The following SHANK2 variants were observed in gnomAD, a reference collection of about 807,000 sequenced individuals.
SHANK2 encodes the protein SH3 and multiple ankyrin repeat domains protein 2.
SHANK2 carries 43 observed loss-of-function variants against 133.7 expected under a neutral mutation model. The observed-to-expected ratio is 0.32, with a 90% CI of 0.25 to 0.41. The LOEUF (loss-of-function observed/expected upper bound fraction) is 0.41. Among genes scored for constraint, SHANK2 ranks in the 10% least tolerant of loss-of-function variants. SHANK2 has a pLI of 1.00. For synonymous variants in SHANK2, 1,017 were observed against 952.8 expected (o/e 1.07, Z -1.24); for missense variants, 1,994 against 2,235.8 (o/e 0.89, Z 2.18).
At chr11:71,237,009 A>G (rs1954833429) in intron 1 of SHANK2, among the ~76,000 whole-genome samples, 1 of 152,344 alleles carries the variant, frequency 6.6e-6, no homozygotes, top group Admixed American at 6.5e-5. Flanking sequence ...AATGGCTCCA[A>G]TCAGTCATAC....
chr11:70,482,458 C>T (rs1327059220), intron 25 of SHANK2, among the ~76,000 whole-genome samples: 5 of 152,230 alleles, frequency 3.3e-5, no homozygotes, highest in African/African-American at 1.2e-4. Flanking sequence ...CAAGGCAGTC[C>T]CTGGCTCCCA....
rs782320137 is a variant in SHANK2, at chr11:70,573,149, C to T, written c.2062-70218G>A. ...CCAACCCAAAAAATAGCTTCAGTCG[C>T]GTGACTCCATTTTATGTGATGTTCT... On this transcript the variant is annotated intron_variant, in intron 17 of 25. Coordinates refer to ENST00000601538, the MANE Select transcript of SHANK2 (RefSeq NM_012309.5). 9.2e-5 allele frequency among the ~76,000 whole-genome samples: 14 copies of T among 151,770 alleles called. No individual in the cohort carries two copies. In the East Asian group the frequency reaches 2.5e-3, roughly 27 times the overall value.
intron 2 of SHANK2, among the ~76,000 whole-genome samples, chr11:71,199,861 A>G (rs1402796488): frequency 1.3e-5 from 2 of 152,138 alleles, no homozygotes; most frequent in African/African-American, 4.8e-5. Flanking sequence ...ATTCAAGGAG[A>G]CAGCAAAATG....
intron 16 of SHANK2, 88 bp downstream of exon 16, chr11:70,661,501 ACACACAC>A: frequency 1.3e-3 from 2 of 1,528 alleles, no homozygotes; most frequent in South Asian, 4.6e-3. Flanking sequence ...GCAGGCGTAT[ACACACAC>A]ACACACACAC....
At chr11:71,117,667 G>A (rs1444976969) in intron 4 of SHANK2, among the ~76,000 whole-genome samples, 3 of 152,152 alleles carry the variant, frequency 2.0e-5, no homozygotes, top group African/African-American at 7.2e-5. Context: ...GGGCCTGGGG[G>A]CTTCTGAGCC....
At chr11:71,208,232 T>C (rs1343622177) in intron 2 of SHANK2, among the ~76,000 whole-genome samples, 1 of 151,848 alleles carries the variant, frequency 6.6e-6, no homozygotes, top group Non-Finnish European at 1.5e-5. Flanking sequence ...GAAGTGGGCA[T>C]TGCTGGTTGA....
At chr11:70,928,216 G>A (rs922905428) in intron 10 of SHANK2, among the ~76,000 whole-genome samples, 11 of 152,138 alleles carry the variant, frequency 7.2e-5, no homozygotes, top group Admixed American at 5.2e-4. Flanking sequence ...ACCTGTTCCC[G>A]TCGATGGAGA....
chr11:70,742,767 GC>G (rs1555035033), intron 14 of SHANK2, among the ~76,000 whole-genome samples: 2 of 152,224 alleles, frequency 1.3e-5, no homozygotes, highest in Non-Finnish European at 2.9e-5. Flanking sequence ...GAGATAAGAG[GC>G]AAGGGGGCGG....
At chr11:70,876,025 G>A (rs1195469148) in intron 11 of SHANK2, among the ~76,000 whole-genome samples, 7 of 151,612 alleles carry the variant, frequency 4.6e-5, no homozygotes, top group Admixed American at 1.3e-4. Flanking sequence ...GTGTGGTGGT[G>A]CATGCCTGTA....
At chr11:70,502,742 C>CCG in intron 18 of SHANK2, 54 bp downstream of exon 18, 1 of 434,406 alleles carries the variant, frequency 2.3e-6, no homozygotes, top group Non-Finnish European at 3.2e-6. Flanking sequence ...CCCGCCCCCA[C>CCG]CCCCCCCCCC....
At chr11:70,692,164 C>T (rs1254938729) in intron 15 of SHANK2, among the ~76,000 whole-genome samples, 4 of 152,016 alleles carry the variant, frequency 2.6e-5, no homozygotes, top group South Asian at 2.1e-4. Context: ...AAAATAATGG[C>T]GGAGGAAGAA....
intron 2 of SHANK2, among the ~76,000 whole-genome samples, chr11:71,193,277 G>T (rs797042770): frequency 2.8e-4 from 43 of 152,300 alleles, no homozygotes; most frequent in African/African-American, 1.0e-3. Context: ...TGGGTTCTGG[G>T]GCCGTCTCAT....
intron 11 of SHANK2, among the ~76,000 whole-genome samples, chr11:70,876,243 G>GACAC (rs3064243): frequency 0.076 from 10,256 of 134,698 alleles, 429 homozygotes; most frequent in East Asian, 0.084. Context: ...CACACATATA[G>GACAC]ACACACACAC....
At chr11:70,823,169 C>G (rs61669446) in intron 11 of SHANK2, among the ~76,000 whole-genome samples, 2 of 2,880 alleles carry the variant, frequency 6.9e-4, no homozygotes, top group African/African-American at 6.2e-3. Context: ...GCTGGCAGAG[C>G]TCACGGGGGA....
intron 14 of SHANK2, among the ~76,000 whole-genome samples, chr11:70,757,867 C>T (rs987844884): frequency 6.6e-6 from 1 of 152,114 alleles, no homozygotes. Context: ...AACAAATGAC[C>T]CCAGACCAGG....
At chr11:70,705,620 C>T (rs1476585934) in intron 14 of SHANK2, 1 of 152,168 alleles carries the variant, frequency 6.6e-6, no homozygotes, top group Non-Finnish European at 1.5e-5. Flanking sequence ...GCCAGGGAAG[C>T]CAACCATCCA....
At chr11:70,559,512 G>A (rs1452349070) in intron 17 of SHANK2, among the ~76,000 whole-genome samples, 1 of 152,092 alleles carries the variant, frequency 6.6e-6, no homozygotes, top group Non-Finnish European at 1.5e-5. Flanking sequence ...AGGACCCCCA[G>A]AGCCGCCTCA....
At chr11:70,593,837 GTTCA>G (rs368551880) in intron 17 of SHANK2, among the ~76,000 whole-genome samples, 7 of 152,040 alleles carry the variant, frequency 4.6e-5, no homozygotes, top group Admixed American at 1.3e-4. Flanking sequence ...TCGTTCGTTC[GTTCA>G]TTCATTCATT....
At position 70,486,234 on chromosome 11, in the gene SHANK2, G is replaced by A. The variant is rs782216327; in HGVS notation, c.4059C>T (p.Ser1353=). The A allele has an allele frequency of 1.1e-5, 17 of 1,613,848 alleles. No individual in the cohort carries two copies. The highest frequency in any genetic ancestry group is 1.3e-5 in the African/African-American group (1 of 74,872). ...SSPSEVPEGV[S]ETEGALQISA... ...AGATCTGTAAAGCACCTTCGGTTTC[G>A]GAAACACCTTCTGGCACCTCGGACG... Residue 1353 remains serine, a synonymous_variant, in exon 25 of 26, where the codon TCC becomes TCT. Coordinates refer to ENST00000601538, the MANE Select transcript of SHANK2 (RefSeq NM_012309.5). The surrounding 1 kb of genome is among the most constrained non-coding windows in gnomAD (Gnocchi z 8.0).
Sources: allele counts gnomAD v4.1 joint callset (sites outside exome capture counted in the v4.1 genomes callset), GRCh38; gene constraint gnomAD v4.1.1; non-coding constraint Gnocchi (gnomAD v3.1); transcripts MANE v1.5; gene names NCBI Gene and HGNC (gene_info 2026-07-23, HGNC 2026-07-21).